The following SP3 variants were observed in gnomAD, a reference collection of about 807,000 sequenced individuals.
SP3 encodes the protein Sp3 transcription factor.
Under a neutral mutation model 70.3 loss-of-function variants are expected in SP3, and 10 were observed. The observed-to-expected ratio is 0.14, with a 90% CI of 0.09 to 0.24. The LOEUF is 0.24. Ranked by LOEUF, SP3 falls within the 10% of genes least tolerant of loss-of-function variation. SP3 has a pLI of 1.00. For missense variants in SP3, 825 were observed against 914.6 expected (o/e 0.90, Z 1.26); for synonymous variants, 402 against 333.5 (o/e 1.21, Z -2.24).
intron 1 of SP3, 27 bp downstream of exon 1, chr2:173,965,138 A>G (rs1691253270): frequency 6.5e-7 from 1 of 1,545,720 alleles, no homozygotes; most frequent in African/African-American, 1.4e-5. Flanking sequence ...CGGCAGCAGC[A>G]AGGGTTGCTC....
intron 4 of SP3, among the ~76,000 whole-genome samples, chr2:173,934,785 C>G (rs1690166724): frequency 1.3e-5 from 2 of 152,138 alleles, no homozygotes; most frequent in South Asian, 4.1e-4. Context: ...AGGTCAAAAG[C>G]TTTGCTTTTA....
intron 5 of SP3, chr2:173,916,550 A>C (rs1176427690): frequency 1.3e-5 from 2 of 152,076 alleles, no homozygotes; most frequent in Non-Finnish European, 2.9e-5. Flanking sequence ...TGGCAAAATA[A>C]CATCCCCAAA....
Position 173,918,659 on chromosome 2 carries a change from T to C in SP3, c.1766A>G (p.His589Arg), listed in dbSNP as rs764595705. 6.2e-7 allele frequency: 1 copy of C among 1,613,900 alleles called. No homozygotes were observed. The highest frequency in any genetic ancestry group is 8.5e-7 in the Non-Finnish European group (1 of 1,179,836). ...CCTCCGAAGTCTTTTTCCTTCTTGA[T>C]GTTGTTGGTCCCCTTCTTCATCTAC... ...QVVDEEGDQQ[H>R]QEGKRLRRVA... The change falls in exon 5 of 7, where the codon CAT becomes CGT. Residue 589 changes from histidine to arginine, a missense_variant. His to Arg is a conservative substitution (Grantham distance 29, BLOSUM62 0). Transcript: ENST00000310015.
chr2:173,964,483 G>A lies in SP3; in HGVS notation c.78C>T (p.Gly26=), dbSNP rs1315956406. The change falls in exon 2 of 7, where the codon GGC becomes GGT. Residue 26 remains glycine (G), a synonymous_variant. Coordinates refer to ENST00000310015, the MANE Select transcript of SP3 (RefSeq NM_003111.5). ...LDVDSGGGGG[G]GGGHGEYLQQ... ...GCAGATACTCGCCGTGGCCGCCGCC[G>A]CCGCCACCGCCGCCGCCGCTATCCA... 5 of 681,742 alleles carry A rather than the reference G, an allele frequency of 7.3e-6. No individual in the cohort carries two copies. Among genetic ancestry groups the A allele is most frequent in the African/African-American group, 1.9e-5 (1 of 53,238 alleles). The allele number at this position is 681,742 out of a possible 1,614,324, so 42.2% of individuals were successfully genotyped here.
At chr2:173,943,081 A>C (rs1390501807) in intron 4 of SP3, among the ~76,000 whole-genome samples, 4 of 151,996 alleles carry the variant, frequency 2.6e-5, no homozygotes, top group Non-Finnish European at 5.9e-5. Context: ...TGCCCAATGG[A>C]TACTGAGGAA....
intron 5 of SP3, among the ~76,000 whole-genome samples, chr2:173,918,240 A>T (rs1015406122): frequency 3.3e-5 from 5 of 151,998 alleles, no homozygotes. Context: ...CCTGAACTTA[A>T]TTTTTACGTA....
At chr2:173,963,184 T>G (rs1420176479) in intron 3 of SP3, 2 of 152,106 alleles carry the variant, frequency 1.3e-5, no homozygotes, top group Non-Finnish European at 2.9e-5. Context: ...AAAAAAAAAG[T>G]CACTGCAAAT....
Position 173,963,755 on chromosome 2 carries a change from A to C in SP3, c.279+6T>G. ...TCGGCGGGGGCGGGCCGCGCGCGGGACTTACCGCTCCGGCGGCGGCGGGGG... is the reference window on the plus strand; with the variant it reads ...TCGGCGGGGGCGGGCCGCGCGCGGGCCTTACCGCTCCGGCGGCGGCGGGGG... On this transcript the variant is annotated splice_donor_region_variant and intron_variant, in intron 3 of 6. Coordinates refer to ENST00000310015, the MANE Select transcript of SP3 (RefSeq NM_003111.5). 10 of 1,180,106 alleles carry C rather than the reference A, an allele frequency of 8.5e-6. No individual in the cohort carries two copies. Among genetic ancestry groups the C allele is most frequent in the Non-Finnish European group, 6.4e-6 (6 of 936,050 alleles). The allele number at this position is 1,180,106 out of a possible 1,614,324, so 73.1% of individuals were successfully genotyped here.
At chr2:173,932,348 C>T (rs1047202862) in intron 4 of SP3, among the ~76,000 whole-genome samples, 2 of 152,104 alleles carry the variant, frequency 1.3e-5, no homozygotes, top group Non-Finnish European at 2.9e-5. Context: ...CCTGCCATCA[C>T]GCCCGGCTAA....
At chr2:173,912,573 T>C (rs1229287036) in intron 6 of SP3, among the ~76,000 whole-genome samples, 2 of 152,162 alleles carry the variant, frequency 1.3e-5, no homozygotes, top group Non-Finnish European at 2.9e-5. Context: ...TATGTAAAAA[T>C]AATATAATCA....
chr2:173,923,154 A>C (rs1411495557), intron 4 of SP3, among the ~76,000 whole-genome samples: 1 of 152,080 alleles, frequency 6.6e-6, no homozygotes, highest in Non-Finnish European at 1.5e-5. Flanking sequence ...CTGTTTTTTT[A>C]TGTCTATTCT....
At chr2:173,912,009 G>A (rs1348164942) in intron 6 of SP3, among the ~76,000 whole-genome samples, 2 of 152,004 alleles carry the variant, frequency 1.3e-5, no homozygotes, top group East Asian at 3.9e-4. Flanking sequence ...GGAGAGACAC[G>A]GTTTCACCAT....
chr2:173,903,541 T>A lies in SP3; in HGVS notation c.*6400A>T, dbSNP rs1045391162. 1.3e-5 allele frequency among the ~76,000 whole-genome samples: 2 copies of A among 152,166 alleles called. No homozygotes were observed. Among genetic ancestry groups the A allele is most frequent in the Non-Finnish European group, 2.9e-5 (2 of 68,026 alleles). ...TGAGAAAAATGCAATTAACACAACT[T>A]AAGAATTTTTAAAGGATCAGGGTGT... On this transcript the variant is annotated 3_prime_UTR_variant, in exon 7 of 7. Coordinates refer to ENST00000310015, the MANE Select transcript of SP3 (RefSeq NM_003111.5).
At position 173,910,133 on chromosome 2, in the gene SP3, A is replaced by G. The variant is rs764798004; in HGVS notation, c.2154T>C (p.Ser718=). The G allele has an allele frequency of 1.2e-6, 2 of 1,612,578 alleles. No individual in the cohort carries two copies. Among genetic ancestry groups the G allele is most frequent in the Non-Finnish European group, 1.7e-6 (2 of 1,179,002 alleles). ...AAGTATCATCTCGCGCAGCTTCCACAGATGCCAGCACTGTACTGCTAGAGT... is the reference window on the plus strand; with the variant it reads ...AAGTATCATCTCGCGCAGCTTCCACGGATGCCAGCACTGTACTGCTAGAGT... ...GIHSSSTVLA[S]VEAARDDTLI... Residue 718 remains serine, a synonymous_variant, in exon 7 of 7, where the codon TCT becomes TCC. Transcript: ENST00000310015.
At position 173,956,127 on chromosome 2, in the gene SP3, T is replaced by C. The variant is rs1459337463; in HGVS notation, c.385A>G (p.Ile129Val). The stretch of plus-strand genomic sequence containing the variant: ...CCACTTGAAGTAGCAGCACTTGGAA[T>C]CTGGACTAGATTACCAGCTTCATCT... ...IKDEAGNLVQ[I>V]PSAATSSGQY... Residue 129 changes from isoleucine to valine, a missense_variant, in exon 4 of 7, where the codon ATT becomes GTT. Physicochemically the swap from Ile to Val is conservative, Grantham distance 29 (BLOSUM62 3). This residue lies in a region of SP3 where 678 missense variants were observed against 651.6 expected (regional missense o/e 1.04). Coordinates refer to ENST00000310015, the MANE Select transcript of SP3 (RefSeq NM_003111.5). The C allele has an allele frequency of 2.5e-6, 4 of 1,614,208 alleles. No individual in the cohort carries two copies. In the South Asian group the frequency reaches 4.4e-5, roughly 18 times the overall value.
intron 4 of SP3, among the ~76,000 whole-genome samples, chr2:173,934,373 G>A (rs1690156691): frequency 6.6e-6 from 1 of 152,070 alleles, no homozygotes; most frequent in Non-Finnish European, 1.5e-5. Context: ...TTCTTACCAA[G>A]TCTTTTTGAG....
At chr2:173,948,091 T>C (rs1320038457) in intron 4 of SP3, among the ~76,000 whole-genome samples, 2 of 152,196 alleles carry the variant, frequency 1.3e-5, no homozygotes, top group Admixed American at 1.3e-4. Flanking sequence ...CAGGCTCTTG[T>C]TTTCAGCAAT....
At chr2:173,929,203 A>G (rs961347296) in intron 4 of SP3, among the ~76,000 whole-genome samples, 1 of 152,200 alleles carries the variant, frequency 6.6e-6, no homozygotes, top group Non-Finnish European at 1.5e-5. Flanking sequence ...ACTGGTTACA[A>G]AAAGGCACGT....
intron 4 of SP3, among the ~76,000 whole-genome samples, chr2:173,935,386 TA>T (rs1375847585): frequency 6.6e-6 from 1 of 152,144 alleles, no homozygotes; most frequent in African/African-American, 2.4e-5. Flanking sequence ...TGGAAAATAG[TA>T]AGACAAAACC....
Sources: gnomAD v4.1 joint callset for allele counts (sites outside exome capture counted in the v4.1 genomes callset) on GRCh38, gnomAD v4.1.1 for gene constraint, gnomAD v4.1.1 regional missense constraint, MANE v1.5 for transcripts, NCBI Gene and HGNC (gene_info 2026-07-23, HGNC 2026-07-21) for gene names.